COL21A1: variants seen among roughly 807,000 people sequenced by gnomAD.
COL21A1 encodes the protein collagen alpha-1(XXI) chain.
Under a neutral mutation model 137.9 loss-of-function variants are expected in COL21A1, and 149 were observed. That is an observed-to-expected ratio of 1.08 (90% CI 0.95 to 1.24). The LOEUF is 1.24. Ranked by LOEUF, COL21A1 falls within the 50% of genes most tolerant of loss-of-function variation. The pLI is 0.00. For synonymous variants in COL21A1, 456 were observed against 391.5 expected (o/e 1.16, Z -1.95); for missense variants, 1,167 against 1,158.4 (o/e 1.01, Z -0.11).
chr6:56,175,653 T>C (rs1303477644), intron 3 of COL21A1, among the ~76,000 whole-genome samples: 3 of 152,100 alleles, frequency 2.0e-5, no homozygotes, highest in East Asian at 1.9e-4. Context: ...AATGGAAATA[T>C]ATCTTGTGTT....
At chr6:56,357,353 C>T (rs79354229) in intron 1 of COL21A1, among the ~76,000 whole-genome samples, 11,616 of 152,192 alleles carry the variant, frequency 0.076, 486 homozygotes, top group Non-Finnish European at 0.092. Flanking sequence ...AATTGCCATC[C>T]GTAAGAGTGT....
chr6:56,332,289 C>T (rs1765244510), intron 1 of COL21A1, among the ~76,000 whole-genome samples: 1 of 151,902 alleles, frequency 6.6e-6, no homozygotes, highest in Non-Finnish European at 1.5e-5. Flanking sequence ...GCTATCTTTC[C>T]ATTTTTGTTT....
chr6:56,305,441 G>A (rs1437556455), intron 1 of COL21A1, among the ~76,000 whole-genome samples: 4 of 152,106 alleles, frequency 2.6e-5, no homozygotes, highest in African/African-American at 9.7e-5. Context: ...TATATATTTA[G>A]GATAGTTAGC....
At chr6:56,119,172 T>C (rs1772220592) in intron 16 of COL21A1, among the ~76,000 whole-genome samples, 1 of 152,086 alleles carries the variant, frequency 6.6e-6, no homozygotes, top group African/African-American at 2.4e-5. Context: ...ATCTTTTATT[T>C]AGAAAAACCT....
chr6:56,292,731 A>C (rs1455227769), intron 1 of COL21A1, among the ~76,000 whole-genome samples: 1 of 152,166 alleles, frequency 6.6e-6, no homozygotes, highest in Non-Finnish European at 1.5e-5. Context: ...CCACACACTG[A>C]CAACACATTC....
intron 17 of COL21A1, among the ~76,000 whole-genome samples, chr6:56,098,544 T>C (rs1171133559): frequency 3.4e-5 from 1 of 29,566 alleles, no homozygotes; most frequent in East Asian, 1.7e-3. Context: ...TATATAAATA[T>C]ATAAATATAT....
At chr6:56,133,867 C>T (rs1291943641) in intron 12 of COL21A1, among the ~76,000 whole-genome samples, 1 of 152,216 alleles carries the variant, frequency 6.6e-6, no homozygotes, top group Non-Finnish European at 1.5e-5. Context: ...AAGTCAAGAA[C>T]TGAGGTTTGG....
At chr6:56,288,004 A>C (rs898131389) in intron 1 of COL21A1, among the ~76,000 whole-genome samples, 10 of 152,192 alleles carry the variant, frequency 6.6e-5, no homozygotes, top group Admixed American at 5.2e-4. Context: ...AGTACAGCCC[A>C]GTCAACATCT....
intron 17 of COL21A1, chr6:56,091,625 A>G (rs1017116888): frequency 2.0e-5 from 3 of 152,686 alleles, no homozygotes; most frequent in African/African-American, 7.2e-5. Flanking sequence ...CCTGTACACA[A>G]TGGGGCTAGC....
At position 56,171,036 on chromosome 6, in the gene COL21A1, T is replaced by C; in HGVS notation, c.733A>G (p.Lys245Glu). 1.2e-6 allele frequency: 2 copies of C among 1,607,940 alleles called. No homozygotes were observed. The highest frequency in any genetic ancestry group is 1.3e-5 in the African/African-American group (1 of 74,698). ...LGLDVNKKVKKRIQLSPKKIK... is the reference protein window; with the variant it reads ...LGLDVNKKVKERIQLSPKKIK... ...TTTTTTGGTGAAAGCTGTATTCTTT[T>C]CTTAACCTTTTTATTTACATCTAAA... Residue 245 changes from lysine to glutamate, a missense_variant, in exon 4 of 30, where the codon AAA becomes GAA. Physicochemically the swap from Lys to Glu is moderately conservative, Grantham distance 56 (BLOSUM62 1). Coordinates refer to ENST00000244728, the MANE Select transcript of COL21A1 (RefSeq NM_030820.4).
At chr6:56,284,739 TCATCGA>T (rs59709029) in intron 1 of COL21A1, among the ~76,000 whole-genome samples, 12,282 of 152,126 alleles carry the variant, frequency 0.081, 510 homozygotes, top group Middle Eastern at 0.12. Flanking sequence ...GAGATGAACT[TCATCGA>T]CCTACCCATT....
At chr6:56,146,182 T>C (rs1561915044) in intron 10 of COL21A1, among the ~76,000 whole-genome samples, 1 of 152,128 alleles carries the variant, frequency 6.6e-6, no homozygotes, top group Non-Finnish European at 1.5e-5. Flanking sequence ...AGAAATAATT[T>C]TGGATGTCAC....
intron 22 of COL21A1, 69 bp from the exon 23 acceptor site, chr6:56,067,399 T>C: frequency 4.9e-6 from 7 of 1,416,046 alleles, no homozygotes; most frequent in Middle Eastern, 1.8e-4. Flanking sequence ...AAACATATAT[T>C]TTTCTCTGCT....
chr6:56,377,673 T>C (rs1278227786), intron 1 of COL21A1, among the ~76,000 whole-genome samples: 1 of 152,034 alleles, frequency 6.6e-6, no homozygotes, highest in African/African-American at 2.4e-5. Flanking sequence ...AGACAAGTCC[T>C]AGGGCTGAAC....
intron 1 of COL21A1, among the ~76,000 whole-genome samples, chr6:56,342,487 C>G (rs1327368737): frequency 6.6e-6 from 1 of 152,190 alleles, no homozygotes; most frequent in Non-Finnish European, 1.5e-5. Context: ...AGGAGGACAA[C>G]TGAATTGTGT....
intron 3 of COL21A1, among the ~76,000 whole-genome samples, chr6:56,173,573 C>T (rs747688387): frequency 6.6e-6 from 1 of 152,130 alleles, no homozygotes; most frequent in Admixed American, 6.5e-5. Flanking sequence ...GATGTCTATA[C>T]TTATATCACA....
intron 1 of COL21A1, among the ~76,000 whole-genome samples, chr6:56,188,173 C>A (rs960958103): frequency 3.9e-5 from 6 of 152,148 alleles, no homozygotes; most frequent in Admixed American, 3.9e-4. Flanking sequence ...AATTGGAATT[C>A]ATTCATTGTT....
chr6:56,174,364 G>C (rs1277950029), intron 3 of COL21A1, among the ~76,000 whole-genome samples: 4 of 151,846 alleles, frequency 2.6e-5, no homozygotes, highest in Non-Finnish European at 5.9e-5. Context: ...AAAATGGAAA[G>C]AAGTCAACAA....
chr6:56,250,932 C>T (rs191973018), upstream of COL21A1, among the ~76,000 whole-genome samples: 56 of 152,244 alleles, frequency 3.7e-4, no homozygotes, highest in East Asian at 7.1e-3. Context: ...CCAAGTTAAA[C>T]TTCCCAATGT....
Sources: gnomAD v4.1 joint callset for allele counts (sites outside exome capture counted in the v4.1 genomes callset) on GRCh38, gnomAD v4.1.1 for gene constraint, MANE v1.5 for transcripts, NCBI Gene and HGNC (gene_info 2026-07-23, HGNC 2026-07-21) for gene names.